Variants in FAM20A observed in about 807,000 individuals in gnomAD.
FAM20A encodes pseudokinase FAM20A.
In FAM20A, 42 loss-of-function variants were observed where a neutral mutation model predicts 52.0. The observed-to-expected ratio is 0.81, with a 90% CI of 0.63 to 1.04. The LOEUF (loss-of-function observed/expected upper bound fraction) is 1.04. Ranked by LOEUF, FAM20A falls within the 50% of genes least tolerant of loss-of-function variation. The probability of loss-of-function intolerance (pLI) is 0.00; values close to 1 mark genes in which losing one functional copy is unlikely to be tolerated. For synonymous variants in FAM20A, 304 were observed against 298.9 expected, an observed-to-expected ratio of 1.02 and a Z score of -0.18; for missense variants, 742 against 712.7, an observed-to-expected ratio of 1.04 and a Z score of -0.47.
intron 4 of FAM20A, among the ~76,000 whole-genome samples, chr17:68,548,554 T>G (rs915968986): frequency 1.3e-5 from 2 of 151,310 alleles, no homozygotes; most frequent in Non-Finnish European, 1.5e-5. Context: ...TGAAATATTG[T>G]GAGAATTACC....
rs961509488 is a variant in FAM20A at position 68,567,965 on chromosome 17, C to T, written c.405-12222G>A. ...GATTATAAGTTTCCTGAGGCTCCCC[C>T]GCCATGCGGAACTGTGAGTCAGTTA... is the stretch of plus-strand genomic sequence containing the variant. On this transcript the variant is annotated intron_variant, in intron 1 of 10. Coordinates refer to ENST00000592554, the MANE Select transcript of FAM20A (RefSeq NM_017565.4). Among the ~76,000 whole-genome samples, 16 of 152,114 alleles carry T rather than the reference C, an allele frequency of 1.1e-4. No homozygotes were observed. The East Asian group carries it at 1.4e-3, about 13-fold the overall frequency.
chr17:68,599,317 G>A (rs2088543982), intron 1 of FAM20A, among the ~76,000 whole-genome samples: 2 of 152,106 alleles, frequency 1.3e-5, no homozygotes, highest in South Asian at 4.2e-4. Context: ...CATGTGAGTG[G>A]TATTTAGACA....
chr17:68,540,084 G>A (rs918368799), intron 8 of FAM20A, 118 bp from the exon 9 acceptor site: 55 of 817,482 alleles, frequency 6.7e-5, no homozygotes, highest in Admixed American at 6.4e-4. Context: ...GGGTGTGAAC[G>A]AAGCTGGGCC....
intron 1 of FAM20A, among the ~76,000 whole-genome samples, chr17:68,557,136 G>A (rs560163091): frequency 6.6e-6 from 1 of 152,050 alleles, no homozygotes; most frequent in African/African-American, 2.4e-5. Flanking sequence ...GGAGGTGGAG[G>A]TTGCAGCAAG....
chr17:68,592,081 A>G (rs1357745503), intron 1 of FAM20A, among the ~76,000 whole-genome samples: 1 of 152,174 alleles, frequency 6.6e-6, no homozygotes, highest in Non-Finnish European at 1.5e-5. Context: ...GACCTCACCA[A>G]CTGGACTCAG....
chr17:68,542,816 G>T lies in FAM20A; in HGVS notation c.813-7C>A. ...CCGTCGGAAGTCCAGAATCCTGCAA[G>T]AGAGGAAGCTCTGTTCCATCTGAGG... On this transcript the variant is annotated splice_polypyrimidine_tract_variant and splice_region_variant and intron_variant, in intron 5 of 10. Transcript: ENST00000592554. 1 of 1,602,620 alleles carries T rather than the reference G, an allele frequency of 6.2e-7. No homozygotes were observed. Among genetic ancestry groups the T allele is most frequent in the Non-Finnish European group, 8.5e-7 (1 of 1,169,624 alleles).
intron 1 of FAM20A, among the ~76,000 whole-genome samples, chr17:68,558,126 G>T (rs777677375): frequency 1.3e-5 from 2 of 152,092 alleles, no homozygotes; most frequent in African/African-American, 2.4e-5. Flanking sequence ...ACTATTGTTG[G>T]GTCAAGTGGA....
chr17:68,591,769 C>G (rs67000278), intron 1 of FAM20A: 2 of 152,132 alleles, frequency 1.3e-5, no homozygotes, highest in Non-Finnish European at 2.9e-5. Context: ...GAAGGTCACC[C>G]CGTTTGCGTG....
Position 68,542,180 on chromosome 17 carries a change from GGA to G in FAM20A, c.929-17_929-16del. On this transcript the variant is annotated splice_polypyrimidine_tract_variant and intron_variant, in intron 6 of 10. Coordinates refer to ENST00000592554, the MANE Select transcript of FAM20A (RefSeq NM_017565.4). ...CACGTTGCTCGCTGGAGGATGGGGA[GGA>G]GAGAGGAGGAGTAAGTGGAGGGCTC... 3 of 1,613,522 alleles carry G rather than the reference GGA, an allele frequency of 1.9e-6. No homozygotes were observed. The highest frequency in any genetic ancestry group is 2.5e-6 in the Non-Finnish European group (3 of 1,179,862).
At chr17:68,553,793 CATACATAT>C (rs1250185986) in intron 3 of FAM20A, among the ~76,000 whole-genome samples, 2 of 103,610 alleles carry the variant, frequency 1.9e-5, no homozygotes, top group African/African-American at 3.5e-5. Context: ...CATGTATACA[CATACATAT>C]ATACATATAT....
intron 1 of FAM20A, among the ~76,000 whole-genome samples, chr17:68,568,455 G>A (rs1024413738): frequency 1.3e-5 from 2 of 151,254 alleles, no homozygotes; most frequent in Non-Finnish European, 2.9e-5. Context: ...GTGACAGAGC[G>A]AGACTCCATC....
At chr17:68,540,191 A>G (rs1056883050) in intron 8 of FAM20A, among the ~76,000 whole-genome samples, 19 of 152,228 alleles carry the variant, frequency 1.2e-4, no homozygotes, top group Non-Finnish European at 4.4e-5. Flanking sequence ...TTCAAGTCTA[A>G]GGCTTTCACC....
At chr17:68,560,259 C>T (rs960253222) in intron 1 of FAM20A, among the ~76,000 whole-genome samples, 3 of 151,422 alleles carry the variant, frequency 2.0e-5, no homozygotes, top group South Asian at 4.2e-4. Flanking sequence ...GCAGGAGAAT[C>T]GCTTGAACCT....
intron 1 of FAM20A, among the ~76,000 whole-genome samples, chr17:68,599,404 G>C (rs1172640427): frequency 1.3e-5 from 2 of 152,160 alleles, no homozygotes; most frequent in Admixed American, 1.3e-4. Flanking sequence ...AGTAATGAGC[G>C]TGCTGCCTTC....
chr17:68,579,053 T>C (rs1319830684), intron 1 of FAM20A, among the ~76,000 whole-genome samples: 1 of 149,966 alleles, frequency 6.7e-6, no homozygotes, highest in Non-Finnish European at 1.5e-5. Flanking sequence ...AGTGAAGGCA[T>C]TTGCTAGGCA....
At chr17:68,555,832 C>T in intron 1 of FAM20A, 89 bp from the exon 2 acceptor site, 4 of 1,418,264 alleles carry the variant, frequency 2.8e-6, no homozygotes, top group Non-Finnish European at 9.9e-7. Flanking sequence ...TTCATCCTTT[C>T]ATTTATTCCA....
intron 1 of FAM20A, chr17:68,590,258 C>T (rs2088267434): frequency 6.6e-6 from 1 of 152,120 alleles, no homozygotes; most frequent in South Asian, 2.1e-4. Context: ...AGAAGAAATT[C>T]GGAAGATGTG....
At chr17:68,582,755 C>T (rs1032782813) in intron 1 of FAM20A, among the ~76,000 whole-genome samples, 7 of 146,032 alleles carry the variant, frequency 4.8e-5, no homozygotes, top group South Asian at 2.2e-4. Flanking sequence ...CCCTGCATAG[C>T]GCTTATGTGG....
At position 68,536,861 on chromosome 17, in the gene FAM20A, C is replaced by A. The variant is rs559260402; in HGVS notation, c.*616G>T. 127 of 454,026 alleles carry A rather than the reference C, an allele frequency of 2.8e-4. 1 individual carries two copies. Among genetic ancestry groups the A allele is most frequent in the African/African-American group, 2.4e-3 (121 of 50,082 alleles). 28.1% of individuals were successfully genotyped at this position (454,026 alleles called of 1,614,324 possible). ...CTTTTCTGATATTCTTAGCAAATCC[C>A]TCTTTTATTTTTGCCACTTGTTATA... is the stretch of plus-strand genomic sequence containing the variant. On this transcript the variant is annotated 3_prime_UTR_variant, in exon 11 of 11. Coordinates refer to ENST00000592554, the MANE Select transcript of FAM20A (RefSeq NM_017565.4).
Sources: gnomAD v4.1 joint callset for allele counts (sites outside exome capture counted in the v4.1 genomes callset) on GRCh38, gnomAD v4.1.1 for gene constraint, MANE v1.5 for transcripts, NCBI Gene and HGNC (gene_info 2026-07-23, HGNC 2026-07-21) for gene names.